Variants in ZEB1 observed in about 807,000 individuals in gnomAD.
ZEB1 encodes the protein zinc finger E-box-binding homeobox 1.
In ZEB1, 21 loss-of-function variants were observed where a neutral mutation model predicts 84.9. That is an observed-to-expected ratio of 0.25 (90% CI 0.18 to 0.36). The LOEUF is 0.36. ZEB1 is among the 10% of genes least tolerant of loss of function. ZEB1 has a pLI of 1.00. For synonymous variants in ZEB1, 420 were observed against 471.1 expected (o/e 0.89, Z 1.41); for missense variants, 1,104 against 1,330.2 (o/e 0.83, Z 2.65).
intron 1 of ZEB1, among the ~76,000 whole-genome samples, chr10:31,347,394 A>G (rs1052403379): frequency 7.2e-5 from 11 of 152,148 alleles, no homozygotes; most frequent in Non-Finnish European, 1.3e-4. Flanking sequence ...TAATGTTTTT[A>G]GAGATGAGGT....
intron 1 of ZEB1, among the ~76,000 whole-genome samples, chr10:31,445,694 C>T (rs1388386517): frequency 2.9e-5 from 4 of 139,336 alleles, no homozygotes; most frequent in Non-Finnish European, 6.3e-5. Flanking sequence ...TTGTCTTTGG[C>T]TCTGTTTATA....
intron 1 of ZEB1, among the ~76,000 whole-genome samples, chr10:31,427,730 G>T (rs954263165): frequency 6.6e-6 from 1 of 152,010 alleles, no homozygotes; most frequent in African/African-American, 2.4e-5. Context: ...GTGGTGGCGG[G>T]CGCCTGTAGT....
chr10:31,363,941 G>A (rs2043913605), intron 1 of ZEB1: 1 of 1,302,580 alleles, frequency 7.7e-7, no homozygotes, highest in African/African-American at 1.5e-5. Flanking sequence ...GCTGCAGGGT[G>A]AGCCCGGCCA....
At chr10:31,343,945 C>G (rs2039842481) in intron 1 of ZEB1, among the ~76,000 whole-genome samples, 2 of 152,030 alleles carry the variant, frequency 1.3e-5, no homozygotes, top group Middle Eastern at 3.4e-3. Flanking sequence ...TGGCATAATC[C>G]CCACGTTTTT....
At chr10:31,327,286 T>G (rs2035768381) in intron 1 of ZEB1, among the ~76,000 whole-genome samples, 1 of 151,984 alleles carries the variant, frequency 6.6e-6, no homozygotes, top group African/African-American at 2.4e-5. Context: ...GATTTTTGTA[T>G]TTTTAGTAAA....
At chr10:31,318,819 G>A (rs2032860645), upstream of ZEB1, 9 of 331,588 alleles carry the variant, frequency 2.7e-5, no homozygotes, top group South Asian at 2.0e-4. Flanking sequence ...GAATCAGCCA[G>A]ATCCCTCCCT....
At position 31,472,013 on chromosome 10, in the gene ZEB1, C is replaced by T. The variant is rs377371463; in HGVS notation, c.259+10776C>T. Among the ~76,000 whole-genome samples, 923 of 145,290 alleles carry T rather than the reference C, an allele frequency of 6.4e-3. 10 individuals carry two copies. Among genetic ancestry groups the T allele is most frequent in the South Asian group, 0.048 (219 of 4,532 alleles). On this transcript the variant is annotated intron_variant, in intron 2 of 8. Transcript: ENST00000424869. Reference sequence around the variant, plus strand: ...AAATAAAGATGTTCTTTGAAACCAACGAGAACAAAGACACAACATACCAGA... The same window carrying T: ...AAATAAAGATGTTCTTTGAAACCAATGAGAACAAAGACACAACATACCAGA...
intron 1 of ZEB1, among the ~76,000 whole-genome samples, chr10:31,412,547 A>G (rs2054500913): frequency 6.6e-6 from 1 of 152,162 alleles, no homozygotes; most frequent in Non-Finnish European, 1.5e-5. Context: ...GCTGAGAATG[A>G]TGGTGTCCAG....
intron 3 of ZEB1, among the ~76,000 whole-genome samples, chr10:31,501,025 G>A (rs1205429601): frequency 2.0e-5 from 3 of 152,202 alleles, no homozygotes; most frequent in Non-Finnish European, 2.9e-5. Flanking sequence ...CAGTCACCCT[G>A]ATGAGTTTGG....
chr10:31,403,545 AATG>A (rs1161008955), intron 1 of ZEB1, among the ~76,000 whole-genome samples: 2 of 152,084 alleles, frequency 1.3e-5, no homozygotes, highest in African/African-American at 2.4e-5. Flanking sequence ...TAGATGGAAT[AATG>A]ATCTTTAAAG....
chr10:31,515,174 A>G (rs1234313149), intron 6 of ZEB1, among the ~76,000 whole-genome samples: 1 of 152,050 alleles, frequency 6.6e-6, no homozygotes, highest in Non-Finnish European at 1.5e-5. Flanking sequence ...GAGTGAAAGG[A>G]TTACAGCATT....
chr10:31,384,702 A>G (rs992062078), intron 1 of ZEB1, among the ~76,000 whole-genome samples: 1 of 152,208 alleles, frequency 6.6e-6, no homozygotes, highest in South Asian at 2.1e-4. Context: ...AAATCTCTGA[A>G]TATGGTAAAC....
At chr10:31,432,475 G>C (rs1362486225) in intron 1 of ZEB1, among the ~76,000 whole-genome samples, 1 of 152,092 alleles carries the variant, frequency 6.6e-6, no homozygotes, top group Non-Finnish European at 1.5e-5. Context: ...TGTGGTCCCA[G>C]CTACTCAGGA....
At chr10:31,335,819 A>G (rs2037900899) in intron 1 of ZEB1, among the ~76,000 whole-genome samples, 1 of 152,176 alleles carries the variant, frequency 6.6e-6, no homozygotes, top group Admixed American at 6.5e-5. Context: ...AAAAGCTATT[A>G]TTATTTGCAG....
chr10:31,326,525 AT>A, intron 1 of ZEB1, among the ~76,000 whole-genome samples: 1 of 152,276 alleles, frequency 6.6e-6, no homozygotes, highest in Non-Finnish European at 1.5e-5. Flanking sequence ...GACTGGAGAG[AT>A]TTGGGAGAAT....
chr10:31,342,350 T>C (rs1198598224), intron 1 of ZEB1, among the ~76,000 whole-genome samples: 2 of 151,934 alleles, frequency 1.3e-5, no homozygotes, highest in Non-Finnish European at 2.9e-5. Flanking sequence ...TGATGGAAAA[T>C]AGAGAAATTT....
intron 2 of ZEB1, among the ~76,000 whole-genome samples, chr10:31,468,561 G>C (rs999201959): frequency 6.6e-6 from 1 of 152,092 alleles, no homozygotes; most frequent in Non-Finnish European, 1.5e-5. Context: ...CTCCAACTTT[G>C]CATCTCTATA....
chr10:31,390,112 A>G (rs1477586801), intron 1 of ZEB1, among the ~76,000 whole-genome samples: 2 of 152,224 alleles, frequency 1.3e-5, no homozygotes, highest in Non-Finnish European at 2.9e-5. Context: ...TTTCAAGTAA[A>G]TAACAAATAA....
intron 1 of ZEB1, among the ~76,000 whole-genome samples, chr10:31,411,684 C>T (rs987386517): frequency 3.5e-5 from 5 of 143,238 alleles, no homozygotes; most frequent in African/African-American, 7.7e-5. Flanking sequence ...ATTTATAGCA[C>T]TAAATGCTAT....
Sources: allele counts gnomAD v4.1 joint callset (sites outside exome capture counted in the v4.1 genomes callset), GRCh38; gene constraint gnomAD v4.1.1; transcripts MANE v1.5; gene names NCBI Gene and HGNC (gene_info 2026-07-23, HGNC 2026-07-21).